Variants in C10orf67 observed in about 807,000 individuals in gnomAD.
C10orf67 encodes uncharacterized protein C10orf67, mitochondrial.
Under a neutral mutation model 35.6 loss-of-function variants are expected in C10orf67, and 60 were observed. The ratio of observed to expected loss-of-function variants is 1.68; its 90% CI spans 1.37 to 2.09. The LOEUF (loss-of-function observed/expected upper bound fraction) is 2.09, where lower values mean the gene tolerates loss of function less well. C10orf67 is among the 30% of genes most tolerant of loss of function. The probability of loss-of-function intolerance (pLI) is 0.00; values close to 1 mark genes in which losing one functional copy is unlikely to be tolerated. For missense variants in C10orf67, 474 were observed against 330.2 expected (o/e 1.44, Z -3.38); for synonymous variants, 167 against 115.8 (o/e 1.44, Z -2.84).
intron 4 of C10orf67, among the ~76,000 whole-genome samples, chr10:23,306,803 A>C (rs1844302111): frequency 6.6e-6 from 1 of 152,198 alleles, no homozygotes; most frequent in Admixed American, 6.5e-5. Context: ...TGTGGTAATC[A>C]TTATACAATG....
intron 1 of C10orf67, among the ~76,000 whole-genome samples, chr10:23,339,039 C>T (rs1039657407): frequency 6.6e-5 from 10 of 152,196 alleles, no homozygotes; most frequent in African/African-American, 2.4e-4. Context: ...GCACCTCTCA[C>T]TCTTATGCCT....
At chr10:23,309,938 T>G (rs374333227) in intron 4 of C10orf67, among the ~76,000 whole-genome samples, 1 of 152,232 alleles carries the variant, frequency 6.6e-6, no homozygotes, top group Non-Finnish European at 1.5e-5. Context: ...AAAATCCACC[T>G]GGAGGGATTT....
intron 10 of C10orf67, among the ~76,000 whole-genome samples, chr10:23,253,046 A>T (rs947051093): frequency 6.6e-6 from 1 of 151,558 alleles, no homozygotes; most frequent in Non-Finnish European, 1.5e-5. Flanking sequence ...GCTTGCTGCC[A>T]TCCATGTAAG....
At chr10:23,251,877 A>G (rs545924987) in intron 10 of C10orf67, among the ~76,000 whole-genome samples, 5 of 152,212 alleles carry the variant, frequency 3.3e-5, no homozygotes, top group Non-Finnish European at 7.3e-5. Flanking sequence ...TGCAGCTTTG[A>G]GAAAGAGAAC....
intron 7 of C10orf67, among the ~76,000 whole-genome samples, chr10:23,289,245 C>T (rs1290291849): frequency 6.6e-6 from 1 of 152,102 alleles, no homozygotes; most frequent in Non-Finnish European, 1.5e-5. Context: ...TTCACTGCAG[C>T]CCCGAACTTC....
rs1846071207 is a variant in C10orf67 at position 23,344,660 on chromosome 10, T to A, written c.115A>T (p.Lys39Ter). ...ACCCGCAGCTCGGTGGCCTTGGCTTTCATGGCCTCCCAGCGTGTGCCAAAG... is the reference window on the plus strand; with the variant it reads ...ACCCGCAGCTCGGTGGCCTTGGCTTACATGGCCTCCCAGCGTGTGCCAAAG... ...GTFGTRWEAM[K>*]AKATELRVCC... The change falls in exon 1 of 16, where the codon AAA (lysine) becomes TAA (stop). Residue 39 changes from lysine to a stop codon, truncating the protein, a stop_gained. Coordinates refer to ENST00000636213, the MANE Select transcript of C10orf67 (RefSeq NM_001371909.1). LOFTEE classifies it high-confidence loss of function. 1 of 1,581,140 alleles carries A rather than the reference T, an allele frequency of 6.3e-7. No individual in the cohort carries two copies. The highest frequency in any genetic ancestry group is 8.6e-7 in the Non-Finnish European group (1 of 1,164,046).
chr10:23,270,824 T>C (rs942446554), intron 8 of C10orf67, among the ~76,000 whole-genome samples: 7 of 152,228 alleles, frequency 4.6e-5, no homozygotes, highest in Admixed American at 1.3e-4. Flanking sequence ...GCAGAAATAG[T>C]GGCCAGACTG....
chr10:23,278,948 T>C (rs1843277616), intron 8 of C10orf67, among the ~76,000 whole-genome samples: 1 of 152,186 alleles, frequency 6.6e-6, no homozygotes, highest in Admixed American at 6.5e-5. Flanking sequence ...TTCTAGCTCT[T>C]TGACTTCCTA....
chr10:23,341,522 G>C (rs965854157), intron 1 of C10orf67, among the ~76,000 whole-genome samples: 11 of 152,106 alleles, frequency 7.2e-5, no homozygotes, highest in Non-Finnish European at 1.6e-4. Context: ...CTAAACAGCC[G>C]TCAGAGTAAT....
intron 7 of C10orf67, 143 bp from the exon 8 acceptor site, chr10:23,282,221 A>G (rs1423155804): frequency 3.9e-5 from 14 of 358,550 alleles, no homozygotes; most frequent in Non-Finnish European, 5.1e-6. Flanking sequence ...ATTTCTACAG[A>G]TTATCATCTT....
chr10:23,297,177 C>T (rs1373989351), intron 5 of C10orf67, among the ~76,000 whole-genome samples: 3 of 151,926 alleles, frequency 2.0e-5, no homozygotes, highest in Non-Finnish European at 2.9e-5. Context: ...ATGGAGGGTC[C>T]TTCCTTGTGG....
intron 13 of C10orf67, among the ~76,000 whole-genome samples, chr10:23,229,983 C>G (rs773974355): frequency 6.6e-6 from 1 of 151,422 alleles, no homozygotes; most frequent in African/African-American, 2.4e-5. Flanking sequence ...TTGTTTTTTT[C>G]TGTGAATATT....
At chr10:23,312,484 T>G (rs1015860697) in intron 4 of C10orf67, among the ~76,000 whole-genome samples, 1 of 152,190 alleles carries the variant, frequency 6.6e-6, no homozygotes, top group African/African-American at 2.4e-5. Flanking sequence ...TGGAGTTGGC[T>G]ACTCCTCCAA....
intron 12 of C10orf67, among the ~76,000 whole-genome samples, chr10:23,241,659 T>G (rs529301583): frequency 1.3e-5 from 2 of 152,108 alleles, no homozygotes; most frequent in African/African-American, 4.8e-5. Context: ...GTGGGCCCAA[T>G]GTAATCACAA....
In C10orf67 at chr10:23,264,460, G is replaced by A. The variant is rs118036402; in HGVS notation, c.1200+1802C>T. ...CAGCTGACAAAATGTACTGTTTGGA[G>A]ATACCCAGGCCACAATCATTAGAGT... On this transcript the variant is annotated intron_variant, in intron 10 of 15. Coordinates refer to ENST00000636213, the MANE Select transcript of C10orf67 (RefSeq NM_001371909.1). Among the ~76,000 whole-genome samples the A allele has an allele frequency of 3.0e-3, 454 of 152,256 alleles. 14 individuals are homozygous for A. The East Asian group carries it at 0.049, about 16-fold the overall frequency.
At chr10:23,260,881 T>A (rs1842729930) in intron 10 of C10orf67, among the ~76,000 whole-genome samples, 2 of 152,242 alleles carry the variant, frequency 1.3e-5, no homozygotes, top group African/African-American at 4.8e-5. Context: ...TTGAAATCTT[T>A]CCAATTTTAA....
intron 5 of C10orf67, among the ~76,000 whole-genome samples, chr10:23,297,298 C>T (rs1843916936): frequency 6.6e-6 from 1 of 151,586 alleles, no homozygotes; most frequent in Non-Finnish European, 1.5e-5. Flanking sequence ...CTAAGACTGC[C>T]ACCTCTTTAG....
intron 13 of C10orf67, among the ~76,000 whole-genome samples, chr10:23,236,252 G>GAAAAAA (rs1842046820): frequency 1.2e-5 from 1 of 81,550 alleles, no homozygotes; most frequent in African/African-American, 1.0e-4. Context: ...CCCTCTCGGG[G>GAAAAAA]GAAAAAAAAA....
intron 12 of C10orf67, among the ~76,000 whole-genome samples, chr10:23,243,744 G>T (rs1045280271): frequency 6.6e-6 from 1 of 151,324 alleles, no homozygotes; most frequent in South Asian, 2.1e-4. Flanking sequence ...TTAAAAACTG[G>T]CCATAGCTTG....
Sources: gnomAD v4.1 joint callset for allele counts (sites outside exome capture counted in the v4.1 genomes callset) on GRCh38, gnomAD v4.1.1 for gene constraint, MANE v1.5 for transcripts, NCBI Gene and HGNC (gene_info 2026-07-23, HGNC 2026-07-21) for gene names.